The following TESK2 variants were observed in gnomAD, a reference collection of about 807,000 sequenced individuals.
TESK2 encodes the protein testis associated actin remodelling kinase 2, also known as dual specificity testis-specific protein kinase 2.
A neutral mutation model predicts 57.1 loss-of-function variants in TESK2; 39 were observed. The ratio of observed to expected loss-of-function variants is 0.68; its 90% CI spans 0.53 to 0.89. TESK2 has a LOEUF of 0.89. Ranked by LOEUF, TESK2 falls within the 40% of genes least tolerant of loss-of-function variation. The pLI, the probability that TESK2 is intolerant of heterozygous loss-of-function variation, is 0.00. For synonymous variants in TESK2, 249 were observed against 267.9 expected, an observed-to-expected ratio of 0.93 and a Z score of 0.69; for missense variants, 646 against 732.1, an observed-to-expected ratio of 0.88 and a Z score of 1.36.
At chr1:45,348,779 T>A (rs1465366890) in intron 5 of TESK2, among the ~76,000 whole-genome samples, 1 of 152,192 alleles carries the variant, frequency 6.6e-6, no homozygotes, top group Non-Finnish European at 1.5e-5. Context: ...TCTCAACTCT[T>A]AGCTCCTCCT....
chr1:45,345,806 A>G (rs1647134665), intron 10 of TESK2, 71 bp downstream of exon 10: 12 of 1,278,812 alleles, frequency 9.4e-6, no homozygotes, highest in South Asian at 6.1e-5. Flanking sequence ...TCACAACCCT[A>G]AGAGGAGAAG....
Position 45,345,207 on chromosome 1 carries a change from G to C in TESK2, c.1349C>G (p.Pro450Arg), listed in dbSNP as rs750079608. ...AGGCAAGGAACGCCACCGGCGAATA[G>C]GTGGGGCCAGGGGCTCCTGCCAGTC... ...LADWQEPLAP[P>R]IRRWRSLPGS... is the part of the protein sequence containing the mutation. The change falls in exon 11 of 11, where the codon CCT (proline) becomes CGT (arginine). Residue 450 changes from proline to arginine, a missense_variant. Coordinates refer to ENST00000372086, the MANE Select transcript of TESK2 (RefSeq NM_007170.3). 6 of 1,614,098 alleles carry C rather than the reference G, an allele frequency of 3.7e-6. No individual in the cohort carries two copies. The highest frequency in any genetic ancestry group is 5.1e-6 in the Non-Finnish European group (6 of 1,180,050).
chr1:45,395,550 T>G (rs1649320965), intron 3 of TESK2, among the ~76,000 whole-genome samples: 1 of 152,116 alleles, frequency 6.6e-6, no homozygotes, highest in Non-Finnish European at 1.5e-5. Context: ...AAATACTTCC[T>G]TCTCATGTTC....
intron 4 of TESK2, among the ~76,000 whole-genome samples, chr1:45,383,801 T>C (rs1648755004): frequency 6.6e-6 from 1 of 152,208 alleles, no homozygotes; most frequent in African/African-American, 2.4e-5. Context: ...GAAGAATTTA[T>C]AGACTCACTT....
Position 45,480,813 on chromosome 1 carries a change from C to A in TESK2, c.-87+10039G>T, listed in dbSNP as rs551424887. ...GACTAGCCTGACCAACATGGTTAAACCCCGTCTTTACTAAAAATACAAAAA... is the reference window on the plus strand; with the variant it reads ...GACTAGCCTGACCAACATGGTTAAAACCCGTCTTTACTAAAAATACAAAAA... On this transcript the variant is annotated intron_variant, in intron 1 of 10. Transcript: ENST00000372086. Among the ~76,000 whole-genome samples, 11 of 150,904 alleles carry A rather than the reference C, an allele frequency of 7.3e-5. No homozygotes were observed. In the East Asian group the frequency reaches 9.8e-4, roughly 13 times the overall value.
intron 3 of TESK2, among the ~76,000 whole-genome samples, chr1:45,403,904 T>C (rs1214367982): frequency 7.5e-6 from 1 of 134,090 alleles, no homozygotes; most frequent in Non-Finnish European, 1.6e-5. Context: ...AAAAAACAAG[T>C]CTCCTGACAA....
chr1:45,375,520 A>G (rs1648367861), intron 4 of TESK2, among the ~76,000 whole-genome samples: 1 of 149,816 alleles, frequency 6.7e-6, no homozygotes, highest in Non-Finnish European at 1.5e-5. Context: ...TGAAAATTGT[A>G]AACCACCTAG....
chr1:45,463,161 T>C (rs1652403837), intron 1 of TESK2, among the ~76,000 whole-genome samples: 1 of 152,324 alleles, frequency 6.6e-6, no homozygotes, highest in Non-Finnish European at 1.5e-5. Flanking sequence ...TAGTTTGAAA[T>C]ATTTTCTCCC....
intron 2 of TESK2, among the ~76,000 whole-genome samples, chr1:45,452,812 G>C (rs1570746076): frequency 6.6e-6 from 1 of 152,206 alleles, no homozygotes; most frequent in African/African-American, 2.4e-5. Flanking sequence ...AGCACTTTGG[G>C]AGACTGAAGC....
At chr1:45,458,879 G>C (rs1652222309) in intron 1 of TESK2, among the ~76,000 whole-genome samples, 1 of 152,062 alleles carries the variant, frequency 6.6e-6, no homozygotes, top group Non-Finnish European at 1.5e-5. Flanking sequence ...TTTTCTTTTA[G>C]CCTGTCTCTC....
At chr1:45,447,356 A>G (rs1216153275) in intron 2 of TESK2, among the ~76,000 whole-genome samples, 1 of 132,120 alleles carries the variant, frequency 7.6e-6, no homozygotes, top group Non-Finnish European at 1.7e-5. Flanking sequence ...TTTTTTTTTT[A>G]CTCTTTAAAC....
At chr1:45,355,592 A>T (rs111533093) in intron 4 of TESK2, 143 bp from the exon 5 acceptor site, 3 of 838,690 alleles carry the variant, frequency 3.6e-6, no homozygotes, top group African/African-American at 3.4e-5. Context: ...TCCAAGCACT[A>T]TGGTAGGTGC....
At chr1:45,357,545 C>T (rs1647484650) in intron 4 of TESK2, among the ~76,000 whole-genome samples, 1 of 147,964 alleles carries the variant, frequency 6.8e-6, no homozygotes, top group Non-Finnish European at 1.5e-5. Flanking sequence ...TGAAGGGCAG[C>T]TTTGCTTTTT....
chr1:45,471,864 G>A (rs1443334965), intron 1 of TESK2, among the ~76,000 whole-genome samples: 1 of 152,110 alleles, frequency 6.6e-6, no homozygotes, highest in Non-Finnish European at 1.5e-5. Context: ...GCACACTACA[G>A]CCTCGAACTC....
intron 3 of TESK2, chr1:45,414,945 A>C: frequency 1.9e-6 from 1 of 517,936 alleles, no homozygotes; most frequent in Non-Finnish European, 3.5e-6. Flanking sequence ...ACAAGTGTTT[A>C]GTGAGTAAAT....
intron 3 of TESK2, among the ~76,000 whole-genome samples, chr1:45,417,452 G>A (rs547793289): frequency 3.3e-5 from 5 of 151,820 alleles, no homozygotes; most frequent in South Asian, 4.2e-4. Context: ...GGCTGGTCTC[G>A]AACTCCCGAC....
At chr1:45,433,863 CTGTTTTCCA>C (rs1651080044) in intron 2 of TESK2, among the ~76,000 whole-genome samples, 1 of 152,168 alleles carries the variant, frequency 6.6e-6, no homozygotes, top group Admixed American at 6.5e-5. Context: ...CATCTCCATA[CTGTTTTCCA>C]TAGTGACCAT....
At position 45,439,949 on chromosome 1, in the gene TESK2, GC is replaced by G. The variant is rs138786603; in HGVS notation, c.222+17614del. Among the ~76,000 whole-genome samples the G allele has an allele frequency of 2.0e-5, 3 of 148,692 alleles. No individual in the cohort carries two copies. The East Asian group carries it at 6.1e-4, about 30-fold the overall frequency. On this transcript the variant is annotated intron_variant, in intron 2 of 10. Coordinates refer to ENST00000372086, the MANE Select transcript of TESK2 (RefSeq NM_007170.3). Reference sequence around the variant, plus strand: ...CTCCAGCCTGGGCAACAAAGCAAGCGCCCCCCCACTGCCACTTTTTTTTTTT... The same window carrying G: ...CTCCAGCCTGGGCAACAAAGCAAGCGCCCCCCACTGCCACTTTTTTTTTTT...
chr1:45,376,989 G>A (rs1032081863), intron 4 of TESK2, among the ~76,000 whole-genome samples: 3 of 152,170 alleles, frequency 2.0e-5, no homozygotes, highest in Non-Finnish European at 4.4e-5. Context: ...GGAGGCCCAG[G>A]TGGGAGGATC....
Sources: gnomAD v4.1 joint callset for allele counts (sites outside exome capture counted in the v4.1 genomes callset) on GRCh38, gnomAD v4.1.1 for gene constraint, MANE v1.5 for transcripts, NCBI Gene and HGNC (gene_info 2026-07-23, HGNC 2026-07-21) for gene names.